CDC42BPB: variants seen among roughly 807,000 people sequenced by gnomAD.
CDC42BPB encodes serine/threonine-protein kinase MRCK beta.
CDC42BPB carries 37 observed loss-of-function variants against 214.9 expected under a neutral mutation model. That is an observed-to-expected ratio of 0.17 (90% confidence interval 0.13 to 0.23). The LOEUF (loss-of-function observed/expected upper bound fraction) is 0.23. Among genes scored for constraint, CDC42BPB ranks in the 10% least tolerant of loss-of-function variants. CDC42BPB has a pLI of 1.00. For synonymous variants in CDC42BPB, 931 were observed against 884.0 expected, an observed-to-expected ratio of 1.05 and a Z score of -0.94; for missense variants, 1,694 against 2,227.0, an observed-to-expected ratio of 0.76 and a Z score of 4.82.
chr14:103,018,522 G>A (rs1172802206), intron 1 of CDC42BPB, among the ~76,000 whole-genome samples: 3 of 152,180 alleles, frequency 2.0e-5, no homozygotes. Context: ...AGAGGAGGAA[G>A]TCGCATCGAT....
chr14:103,057,223 G>C lies in CDC42BPB; in HGVS notation c.-50C>G. ...GCGCCGGCCTCTCACCGCCGGCTCG[G>C]CCAGTCCGTCAGGGCGCGCCCTCGG... On this transcript the variant is annotated 5_prime_UTR_variant, in exon 1 of 37. Coordinates refer to ENST00000361246, the MANE Select transcript of CDC42BPB (RefSeq NM_006035.4). The C allele has an allele frequency of 3.1e-6, 4 of 1,281,518 alleles. No individual in the cohort carries two copies. Among genetic ancestry groups the C allele is most frequent in the Non-Finnish European group, 4.0e-6 (4 of 1,010,778 alleles). 79.4% of individuals were successfully genotyped at this position (1,281,518 alleles called of 1,614,324 possible).
rs35097278 is a variant in CDC42BPB at position 102,952,236 on chromosome 14, G to A, written c.3172+262C>T. On this transcript the variant is annotated intron_variant, in intron 24 of 36. Transcript: ENST00000361246. ...GCATGCTGGTGGTGTGTGTGTCTGA[G>A]GTCTCAACTACTTGAGAGGCTGAGA... is the stretch of plus-strand genomic sequence containing the variant. 9.9e-3 allele frequency among the ~76,000 whole-genome samples: 1,512 copies of A among 152,270 alleles called. 19 individuals are homozygous for A. Among genetic ancestry groups the A allele is most frequent in the Middle Eastern group, 0.034 (10 of 294 alleles).
intron 8 of CDC42BPB, among the ~76,000 whole-genome samples, chr14:102,980,210 G>A (rs1420725523): frequency 1.3e-5 from 2 of 152,202 alleles, no homozygotes; most frequent in South Asian, 2.1e-4. Context: ...AAAGTATCAA[G>A]TAGGCTGGGC....
chr14:103,048,926 A>G (rs186128864), intron 1 of CDC42BPB, among the ~76,000 whole-genome samples: 2 of 152,308 alleles, frequency 1.3e-5, no homozygotes, highest in Non-Finnish European at 2.9e-5. Flanking sequence ...GAAAATAAAG[A>G]AAATTCACTC....
chr14:102,996,149 C>T (rs1894721070), intron 5 of CDC42BPB, among the ~76,000 whole-genome samples: 1 of 152,112 alleles, frequency 6.6e-6, no homozygotes, highest in Non-Finnish European at 1.5e-5. Context: ...ACCATTCTGG[C>T]TAACACGGTG....
chr14:102,946,522 C>G lies in CDC42BPB; in HGVS notation c.3694G>C (p.Ala1232Pro). 2 of 1,612,812 alleles carry G rather than the reference C, an allele frequency of 1.2e-6. No individual in the cohort carries two copies. Among genetic ancestry groups the G allele is most frequent in the Non-Finnish European group, 1.7e-6 (2 of 1,179,966 alleles). The part of the protein sequence containing the change: ...RNQVVHVPLE[A>P]YDSSLPLIKA... ...ATGAGAGGCAGCGAGCTGTCGTAGG[C>G]TTCCAAGGGAACATGCACGACCTGA... The change falls in exon 28 of 37, where the codon GCC becomes CCC. Residue 1232 changes from alanine (A) to proline (P), a missense_variant. Physicochemically the swap from Ala to Pro is conservative, Grantham distance 27 (BLOSUM62 -1). This residue lies in a region of CDC42BPB where 567 missense variants were observed against 790.3 expected (regional missense o/e 0.72). Coordinates refer to ENST00000361246, the MANE Select transcript of CDC42BPB (RefSeq NM_006035.4).
At chr14:102,946,810 G>A in intron 27 of CDC42BPB, 126 bp from the exon 28 acceptor site, 1 of 1,465,638 alleles carries the variant, frequency 6.8e-7, no homozygotes, top group Admixed American at 2.4e-5. Flanking sequence ...CCCAGGCAGG[G>A]ACCCCTGACT....
chr14:102,959,009 G>A (rs1360490845), intron 21 of CDC42BPB, among the ~76,000 whole-genome samples: 1 of 147,760 alleles, frequency 6.8e-6, no homozygotes, highest in East Asian at 2.1e-4. Context: ...TGAAATAATC[G>A]CTACAGGCTG....
In CDC42BPB at chr14:103,008,572, A is replaced by T; in HGVS notation, c.268-17T>A. 6.3e-7 allele frequency: 1 copy of T among 1,594,674 alleles called. No homozygotes were observed. The highest frequency in any genetic ancestry group is 8.6e-7 in the Non-Finnish European group (1 of 1,162,252). The stretch of plus-strand genomic sequence containing the variant: ...AACAGCAACCTGCAGTGCAAATGTG[A>T]GTTGAACAAAGATGCGGTTCTTGAA... On this transcript the variant is annotated splice_polypyrimidine_tract_variant and intron_variant, in intron 2 of 36. Transcript: ENST00000361246.
intron 1 of CDC42BPB, among the ~76,000 whole-genome samples, chr14:103,013,381 G>A (rs780751330): frequency 1.2e-4 from 18 of 152,136 alleles, no homozygotes; most frequent in Non-Finnish European, 2.4e-4. Flanking sequence ...GCCTCCTCAC[G>A]CGGACTCTCT....
intron 1 of CDC42BPB, among the ~76,000 whole-genome samples, chr14:103,022,821 G>C (rs920230209): frequency 6.6e-6 from 1 of 152,096 alleles, no homozygotes; most frequent in Admixed American, 6.6e-5. Flanking sequence ...TCCTTGAAAC[G>C]AACATTATTG....
intron 8 of CDC42BPB, among the ~76,000 whole-genome samples, chr14:102,980,386 G>C (rs574889886): frequency 2.0e-5 from 3 of 152,082 alleles, no homozygotes; most frequent in Non-Finnish European, 4.4e-5. Context: ...TCAGCTACTC[G>C]GGAGGCTGAG....
chr14:103,043,526 T>C (rs766017813), intron 1 of CDC42BPB, among the ~76,000 whole-genome samples: 44 of 151,610 alleles, frequency 2.9e-4, no homozygotes, highest in Non-Finnish European at 5.4e-4. Flanking sequence ...GGGGGTAGAG[T>C]TGGGGATAAT....
At chr14:103,050,385 C>T (rs1336971692) in intron 1 of CDC42BPB, among the ~76,000 whole-genome samples, 2 of 152,186 alleles carry the variant, frequency 1.3e-5, no homozygotes, top group Non-Finnish European at 2.9e-5. Flanking sequence ...TGCCCAGAAA[C>T]GGTTAGGGAA....
intron 19 of CDC42BPB, among the ~76,000 whole-genome samples, chr14:102,963,780 C>A (rs1893062792): frequency 6.6e-6 from 1 of 152,220 alleles, no homozygotes; most frequent in African/African-American, 2.4e-5. Context: ...AGTCTTACAG[C>A]AATTCCCAGT....
At chr14:102,942,939 G>T (rs1296288377) in intron 30 of CDC42BPB, among the ~76,000 whole-genome samples, 2 of 152,184 alleles carry the variant, frequency 1.3e-5, no homozygotes, top group Non-Finnish European at 2.9e-5. Context: ...TGCGATCTCA[G>T]CTCACTGCAA....
chr14:102,945,767 CCG>C, intron 28 of CDC42BPB, 43 bp from the exon 29 acceptor site: 1 of 1,577,780 alleles, frequency 6.3e-7, no homozygotes, highest in African/African-American at 1.3e-5. Context: ...GTACAGCCGA[CCG>C]TGAACAATAT....
intron 1 of CDC42BPB, among the ~76,000 whole-genome samples, 170 bp downstream of exon 1, chr14:103,056,829 G>A (rs1047433699): frequency 1.3e-5 from 2 of 152,090 alleles, no homozygotes; most frequent in Admixed American, 6.5e-5. Flanking sequence ...GAGAGAGATG[G>A]GCTGCGGGCC....
At chr14:102,989,319 T>C (rs1264105329) in intron 5 of CDC42BPB, among the ~76,000 whole-genome samples, 1 of 152,190 alleles carries the variant, frequency 6.6e-6, no homozygotes, top group Admixed American at 6.5e-5. Flanking sequence ...AAATTGGTAA[T>C]GTCTATGGAG....
Sources: allele counts gnomAD v4.1 joint callset (sites outside exome capture counted in the v4.1 genomes callset), GRCh38; gene constraint gnomAD v4.1.1; regional missense constraint gnomAD v4.1.1; transcripts MANE v1.5; gene names NCBI Gene and HGNC (gene_info 2026-07-23, HGNC 2026-07-21).